CSMD1: variants seen among roughly 807,000 people sequenced by gnomAD.
The protein encoded by CSMD1 is CUB and Sushi multiple domains 1.
CSMD1 carries 213 observed loss-of-function variants against 417.5 expected under a neutral mutation model. The ratio of observed to expected loss-of-function variants is 0.51; its 90% CI spans 0.46 to 0.57. The LOEUF (loss-of-function observed/expected upper bound fraction) is 0.57. CSMD1 is among the 20% of genes least tolerant of loss of function. CSMD1 has a pLI of 0.00. For synonymous variants in CSMD1, 2,862 were observed against 1,736.8 expected, an observed-to-expected ratio of 1.65 and a Z score of -16.11; for missense variants, 6,923 against 4,529.7, an observed-to-expected ratio of 1.53 and a Z score of -15.17.
intron 15 of CSMD1, among the ~76,000 whole-genome samples, chr8:3,401,732 G>T (rs973406814): frequency 6.6e-6 from 1 of 151,470 alleles, no homozygotes; most frequent in Non-Finnish European, 1.5e-5. Context: ...AATCAAAGAC[G>T]CTGACCCAGA....
chr8:3,102,409 C>T (rs965305747), intron 46 of CSMD1, among the ~76,000 whole-genome samples: 5 of 152,234 alleles, frequency 3.3e-5, no homozygotes, highest in Non-Finnish European at 4.4e-5. Context: ...TTATCCTGTT[C>T]GCCTCCTGAG....
At chr8:3,405,883 T>G (rs575334712) in intron 15 of CSMD1, 144 bp downstream of exon 15, 5 of 713,684 alleles carry the variant, frequency 7.0e-6, no homozygotes, top group Admixed American at 3.0e-5. Flanking sequence ...TGGGAGACTG[T>G]ACACTCCTGT....
chr8:4,316,320 T>C (rs1798926924), intron 3 of CSMD1, among the ~76,000 whole-genome samples: 1 of 152,168 alleles, frequency 6.6e-6, no homozygotes, highest in African/African-American at 2.4e-5. Context: ...GAAAATAATC[T>C]GCATATTTTA....
At chr8:3,274,281 TG>T (rs1383166657) in intron 26 of CSMD1, among the ~76,000 whole-genome samples, 5 of 152,292 alleles carry the variant, frequency 3.3e-5, no homozygotes, top group Non-Finnish European at 7.4e-5. Context: ...GATTGCACTG[TG>T]GTCTGAGAGA....
At chr8:3,012,851 T>C (rs598999) in intron 52 of CSMD1, among the ~76,000 whole-genome samples, 17,888 of 152,156 alleles carry the variant, frequency 0.12, 2,986 homozygotes, top group African/African-American at 0.37. Context: ...TAAATTGTAA[T>C]AATCCCCACC....
intron 3 of CSMD1, among the ~76,000 whole-genome samples, chr8:4,211,240 G>A (rs895281342): frequency 6.6e-6 from 1 of 151,622 alleles, no homozygotes; most frequent in Non-Finnish European, 1.5e-5. Context: ...AAGCACCTCA[G>A]ATAGGGGGAA....
chr8:4,913,069 G>T (rs755643888), intron 1 of CSMD1, among the ~76,000 whole-genome samples: 5 of 152,126 alleles, frequency 3.3e-5, no homozygotes, highest in Non-Finnish European at 7.3e-5. Context: ...GATTACAGGG[G>T]TGAGCCCCCA....
intron 5 of CSMD1, among the ~76,000 whole-genome samples, chr8:3,860,918 GAATT>G (rs1585103437): frequency 1.3e-5 from 2 of 152,142 alleles, no homozygotes; most frequent in East Asian, 3.8e-4. Context: ...CTATACTATA[GAATT>G]ATTTTTAAAA....
At chr8:3,993,205 T>C (rs1400604057) in intron 5 of CSMD1, among the ~76,000 whole-genome samples, 1 of 152,244 alleles carries the variant, frequency 6.6e-6, no homozygotes, top group Non-Finnish European at 1.5e-5. Flanking sequence ...AGCAACTCTC[T>C]GTGTTAGTGC....
chr8:4,120,386 A>G (rs933087314), intron 3 of CSMD1, among the ~76,000 whole-genome samples: 4 of 152,206 alleles, frequency 2.6e-5, no homozygotes, highest in Admixed American at 6.5e-5. Context: ...TAATGCCAAC[A>G]TGCTGACCGT....
intron 3 of CSMD1, among the ~76,000 whole-genome samples, chr8:4,402,796 T>G (rs1585020775): frequency 8.1e-6 from 1 of 124,190 alleles, no homozygotes; most frequent in African/African-American, 3.7e-5. Flanking sequence ...GTCCTCACTT[T>G]TTTCTTTTTT....
At chr8:4,439,116 A>G (rs1327614935) in intron 2 of CSMD1, among the ~76,000 whole-genome samples, 2 of 152,128 alleles carry the variant, frequency 1.3e-5, no homozygotes, top group Admixed American at 1.3e-4. Context: ...AATCAATCAA[A>G]TCAATTAATC....
intron 1 of CSMD1, among the ~76,000 whole-genome samples, chr8:4,679,424 G>C (rs1805900860): frequency 1.3e-5 from 2 of 152,196 alleles, no homozygotes; most frequent in African/African-American, 2.4e-5. Context: ...AATTAAAGTA[G>C]TAATTCCGCC....
chr8:4,797,308 G>C (rs1213265243), intron 1 of CSMD1, among the ~76,000 whole-genome samples: 1 of 152,176 alleles, frequency 6.6e-6, no homozygotes, highest in Admixed American at 6.5e-5. Flanking sequence ...TGCTGCTCTT[G>C]CTTTTGTGGC....
In CSMD1 at chr8:3,110,192, G is replaced by C. The variant is rs367692008; in HGVS notation, c.6574C>G (p.Gln2192Glu). The C allele has an allele frequency of 5.6e-6, 9 of 1,612,400 alleles. No homozygotes were observed. The African/African-American group carries it at 1.1e-4, about 19-fold the overall frequency. The change falls in exon 43 of 70, where the codon CAG (glutamine) becomes GAG (glutamate). Residue 2192 changes from glutamine (Q) to glutamate (E), a missense_variant. Transcript: ENST00000635120. ...ATGTAATCGTTGACAGCTTCCGTCT[G>C]TAACAGGGTGAAGTTGATGTAAACT... ...HGVYINFTLL[Q>E]TEAVNDYIAV...
In CSMD1 at chr8:3,436,014, C is replaced by A. The variant is rs547958688; in HGVS notation, c.1562-26409G>T. Among the ~76,000 whole-genome samples, 7 of 152,292 alleles carry A rather than the reference C, an allele frequency of 4.6e-5. No individual in the cohort carries two copies. The South Asian group carries it at 1.2e-3, about 27-fold the overall frequency. ...TGCTCTCTTCTGGGACACATCCCAG[C>A]TACCCAGGTGGGCAGCTCCCCACTC... On this transcript the variant is annotated intron_variant, in intron 12 of 69. Transcript: ENST00000635120.
chr8:3,119,345 A>G (rs1247818137), intron 41 of CSMD1, among the ~76,000 whole-genome samples: 1 of 150,074 alleles, frequency 6.7e-6, no homozygotes, highest in South Asian at 2.1e-4. Context: ...CTATACAAAT[A>G]TAACAGGAAA....
At chr8:3,118,003 C>G (rs2045636) in intron 42 of CSMD1, among the ~76,000 whole-genome samples, 15,723 of 152,190 alleles carry the variant, frequency 0.1, 917 homozygotes, top group South Asian at 0.19. Flanking sequence ...AAAAGAAACA[C>G]CAAGGATCAA....
chr8:4,030,354 G>A (rs776365394), intron 4 of CSMD1, among the ~76,000 whole-genome samples: 1 of 152,140 alleles, frequency 6.6e-6, no homozygotes, highest in Non-Finnish European at 1.5e-5. Flanking sequence ...CTGAAATCTA[G>A]GCAAAGGTTC....
Sources: allele counts gnomAD v4.1 joint callset (sites outside exome capture counted in the v4.1 genomes callset), GRCh38; gene constraint gnomAD v4.1.1; transcripts MANE v1.5; gene names NCBI Gene and HGNC (gene_info 2026-07-23, HGNC 2026-07-21).